Variants in TEAD1 observed in about 807,000 individuals in gnomAD.
The protein encoded by TEAD1 is transcriptional enhancer factor TEF-1.
In TEAD1, 9 loss-of-function variants were observed where a neutral mutation model predicts 54.9. The ratio of observed to expected loss-of-function variants is 0.16; its 90% CI spans 0.10 to 0.29. TEAD1 has a LOEUF of 0.29. TEAD1 is among the 10% of genes least tolerant of loss of function. The pLI, the probability that TEAD1 is intolerant of heterozygous loss-of-function variation, is 1.00. For missense variants in TEAD1, 387 were observed against 535.9 expected, an observed-to-expected ratio of 0.72 and a Z score of 2.74; for synonymous variants, 200 against 187.8, an observed-to-expected ratio of 1.07 and a Z score of -0.53.
chr11:12,775,969 C>CG (rs1314613992), intron 3 of TEAD1, among the ~76,000 whole-genome samples: 372 of 143,032 alleles, frequency 2.6e-3, no homozygotes, highest in African/African-American at 0.011. Flanking sequence ...TGTTTACTGG[C>CG]GGCGGGGGGT....
intron 9 of TEAD1, among the ~76,000 whole-genome samples, chr11:12,885,355 C>T (rs1429067816): frequency 1.3e-5 from 2 of 151,764 alleles, no homozygotes; most frequent in Non-Finnish European, 2.9e-5. Context: ...CCTGCCTCAG[C>T]CTCCCGAGTA....
At chr11:12,680,488 C>T (rs1172921153) in intron 2 of TEAD1, among the ~76,000 whole-genome samples, 6 of 152,176 alleles carry the variant, frequency 3.9e-5, no homozygotes, top group Admixed American at 6.5e-5. Context: ...CCCCGAGGCC[C>T]GCCCGCCCGA....
intron 10 of TEAD1, among the ~76,000 whole-genome samples, chr11:12,912,517 G>A (rs961622458): frequency 8.5e-5 from 13 of 152,128 alleles, no homozygotes; most frequent in Non-Finnish European, 1.9e-4. Context: ...GGTGGCGAGA[G>A]GTCCCCATGG....
At chr11:12,930,766 T>C (rs1051275181) in intron 12 of TEAD1, among the ~76,000 whole-genome samples, 3 of 152,188 alleles carry the variant, frequency 2.0e-5, no homozygotes, top group African/African-American at 7.2e-5. Context: ...AGCAACATGG[T>C]ATGCAAATCA....
At chr11:12,842,657 C>A (rs947998097) in intron 3 of TEAD1, among the ~76,000 whole-genome samples, 2 of 152,130 alleles carry the variant, frequency 1.3e-5, no homozygotes, top group Admixed American at 1.3e-4. Flanking sequence ...GCAAGCATGT[C>A]TGAAGGCCGT....
intron 5 of TEAD1, among the ~76,000 whole-genome samples, chr11:12,867,539 C>T (rs75691037): frequency 0.053 from 8,095 of 152,234 alleles, 727 homozygotes; most frequent in African/African-American, 0.18. Context: ...CTTTCACTCC[C>T]TCCATGAGCA....
chr11:12,795,297 A>C (rs1259680020), intron 3 of TEAD1, among the ~76,000 whole-genome samples: 1 of 152,132 alleles, frequency 6.6e-6, no homozygotes, highest in Non-Finnish European at 1.5e-5. Context: ...TGTCATATTG[A>C]ACTAAGGGAT....
intron 3 of TEAD1, among the ~76,000 whole-genome samples, chr11:12,783,508 C>A (rs142526093): frequency 0.011 from 1,692 of 152,120 alleles, 27 homozygotes; most frequent in Middle Eastern, 0.027. Flanking sequence ...GTGTTTTTTT[C>A]AAGGATATAC....
At position 12,728,535 on chromosome 11, in the gene TEAD1, C is replaced by G. The variant is rs565612327; in HGVS notation, c.-54-35644C>G. On this transcript the variant is annotated intron_variant, in intron 2 of 12. Coordinates refer to ENST00000527636, the MANE Select transcript of TEAD1 (RefSeq NM_021961.6). Reference sequence around the variant, plus strand: ...CTGAGGGGTATAAGGTAGCTGTGACCTGGCATAGAGTTGGCAGGCAGACAG... The same window carrying G: ...CTGAGGGGTATAAGGTAGCTGTGACGTGGCATAGAGTTGGCAGGCAGACAG... Among the ~76,000 whole-genome samples the G allele has an allele frequency of 2.0e-5, 3 of 152,282 alleles. No individual in the cohort carries two copies. In the South Asian group the frequency reaches 6.2e-4, roughly 32 times the overall value.
intron 10 of TEAD1, among the ~76,000 whole-genome samples, chr11:12,922,223 G>A (rs1948820712): frequency 1.0e-5 from 1 of 99,730 alleles, no homozygotes; most frequent in Admixed American, 1.0e-4. Context: ...TTGAGACGGA[G>A]TCTCGCTCTG....
At chr11:12,795,214 C>T (rs958108671) in intron 3 of TEAD1, among the ~76,000 whole-genome samples, 1 of 152,122 alleles carries the variant, frequency 6.6e-6, no homozygotes, top group Non-Finnish European at 1.5e-5. Flanking sequence ...CTGTTAATTT[C>T]AGTCTCTAAC....
At chr11:12,727,877 A>G (rs186279562) in intron 2 of TEAD1, among the ~76,000 whole-genome samples, 14 of 152,174 alleles carry the variant, frequency 9.2e-5, no homozygotes, top group Admixed American at 2.6e-4. Flanking sequence ...CCAAAGGCCA[A>G]CAAGGAATAT....
intron 3 of TEAD1, among the ~76,000 whole-genome samples, chr11:12,844,306 A>G (rs1947096737): frequency 6.6e-6 from 1 of 152,200 alleles, no homozygotes; most frequent in African/African-American, 2.4e-5. Flanking sequence ...TTAAGAACTA[A>G]GAGTCCAGAG....
chr11:12,777,507 T>C (rs982410757), intron 3 of TEAD1, among the ~76,000 whole-genome samples: 19 of 152,196 alleles, frequency 1.2e-4, no homozygotes, highest in Non-Finnish European at 2.8e-4. Flanking sequence ...GAGATTGTTG[T>C]TTATGACAGC....
intron 3 of TEAD1, among the ~76,000 whole-genome samples, chr11:12,802,776 G>T (rs535393332): frequency 6.6e-6 from 1 of 152,292 alleles, no homozygotes; most frequent in South Asian, 2.1e-4. Flanking sequence ...TTGCTCACTC[G>T]GAGATACCGA....
intron 2 of TEAD1, among the ~76,000 whole-genome samples, chr11:12,711,114 C>G (rs1213382269): frequency 6.6e-6 from 1 of 152,058 alleles, no homozygotes; most frequent in Non-Finnish European, 1.5e-5. Context: ...TATGATTGGA[C>G]TGGTGGTTTA....
At chr11:12,795,398 CT>C (rs1802452168) in intron 3 of TEAD1, among the ~76,000 whole-genome samples, 1 of 152,322 alleles carries the variant, frequency 6.6e-6, no homozygotes, top group Admixed American at 6.5e-5. Flanking sequence ...AGGGTTAACA[CT>C]TCAACAAATC....
At position 12,753,060 on chromosome 11, in the gene TEAD1, C is replaced by T. The variant is rs569703132; in HGVS notation, c.-54-11119C>T. Among the ~76,000 whole-genome samples, 4 of 149,146 alleles carry T rather than the reference C, an allele frequency of 2.7e-5. No individual in the cohort carries two copies. The East Asian group carries it at 7.9e-4, about 30-fold the overall frequency. ...GGGTCTCACTATGTTGCCCAGGCTG[C>T]TCTCAACTCCTGCGCTGAAGCAATC... On this transcript the variant is annotated intron_variant, in intron 2 of 12. Transcript: ENST00000527636.
At chr11:12,820,950 A>G (rs1444674453) in intron 3 of TEAD1, among the ~76,000 whole-genome samples, 1 of 152,172 alleles carries the variant, frequency 6.6e-6, no homozygotes, top group Non-Finnish European at 1.5e-5. Flanking sequence ...GCTGATGACA[A>G]AGGGCTTTAA....
Sources: allele counts gnomAD v4.1 joint callset (sites outside exome capture counted in the v4.1 genomes callset), GRCh38; gene constraint gnomAD v4.1.1; transcripts MANE v1.5; gene names NCBI Gene and HGNC (gene_info 2026-07-23, HGNC 2026-07-21).